Variants in PTAR1 observed in about 807,000 individuals in gnomAD.
PTAR1 encodes protein prenyltransferase alpha subunit repeat containing 1, also known as protein prenyltransferase alpha subunit repeat-containing protein 1.
Under a neutral mutation model 45.5 loss-of-function variants are expected in PTAR1, and 17 were observed. That is an observed-to-expected ratio of 0.37 (90% CI 0.26 to 0.56). The LOEUF is 0.56. Ranked by LOEUF, PTAR1 falls within the 20% of genes least tolerant of loss-of-function variation. The pLI, the probability that PTAR1 is intolerant of heterozygous loss-of-function variation, is 0.77. For missense variants in PTAR1, 391 were observed against 476.3 expected, an observed-to-expected ratio of 0.82 and a Z score of 1.67; for synonymous variants, 169 against 171.3, an observed-to-expected ratio of 0.99 and a Z score of 0.11.
At chr9:69,759,742 C>T in intron 1 of PTAR1, 111 bp downstream of exon 1, 3 of 1,089,842 alleles carry the variant, frequency 2.8e-6, no homozygotes, top group Non-Finnish European at 3.8e-6. Flanking sequence ...CCTAGAAGGG[C>T]TCGTGGGCCA....
Position 69,725,596 on chromosome 9 carries a change from G to GAA in PTAR1, c.643-1968_643-1967dup, listed in dbSNP as rs138623845. Among the ~76,000 whole-genome samples the GAA allele has an allele frequency of 2.7e-3, 400 of 149,518 alleles. 2 individuals carry two copies. Among genetic ancestry groups the GAA allele is most frequent in the Non-Finnish European group, 4.7e-3 (320 of 67,394 alleles). ...CAAAACAAGACTCCATCTCAAAAAA[G>GAA]AAAAAAAATATATATATATATTTTC... On this transcript the variant is annotated intron_variant, in intron 5 of 7. Coordinates refer to ENST00000340434, the MANE Select transcript of PTAR1 (RefSeq NM_001099666.2).
rs1825126883 is a variant in PTAR1, at chr9:69,723,587, A to G, written c.686T>C (p.Met229Thr). ...AAATCCACTGTGGTCTGAAACGTGC[A>G]TAGATGCCCAATGTTTAGTAGAAGA... ...ELSSTKHWAS[M>T]HVSDHSGFHY... The change falls in exon 6 of 8, where the codon ATG becomes ACG. Residue 229 changes from methionine to threonine, a missense_variant. Met to Thr is a moderately conservative substitution (Grantham distance 81). This residue lies in a region of PTAR1 where 181 missense variants were observed against 227.7 expected (regional missense o/e 0.80). Coordinates refer to ENST00000340434, the MANE Select transcript of PTAR1 (RefSeq NM_001099666.2). 1 of 1,613,838 alleles carries G rather than the reference A, an allele frequency of 6.2e-7. No individual in the cohort carries two copies. Among genetic ancestry groups the G allele is most frequent in the Non-Finnish European group, 8.5e-7 (1 of 1,179,754 alleles).
At chr9:69,729,703 T>C (rs1825447818) in intron 5 of PTAR1, among the ~76,000 whole-genome samples, 1 of 152,176 alleles carries the variant, frequency 6.6e-6, no homozygotes, top group Non-Finnish European at 1.5e-5. Flanking sequence ...TCCTCAAGGC[T>C]ACACAGCAAA....
intron 2 of PTAR1, among the ~76,000 whole-genome samples, chr9:69,744,123 A>G (rs1588474771): frequency 6.6e-6 from 1 of 152,082 alleles, no homozygotes; most frequent in African/African-American, 2.4e-5. Context: ...AGGAAGTGAA[A>G]CCTTCTGAAA....
intron 2 of PTAR1, among the ~76,000 whole-genome samples, chr9:69,745,363 C>T (rs1417600144): frequency 1.3e-5 from 2 of 152,136 alleles, no homozygotes; most frequent in African/African-American, 4.8e-5. Flanking sequence ...ATTATTCTAC[C>T]TAGGTAAATT....
intron 6 of PTAR1, among the ~76,000 whole-genome samples, chr9:69,723,047 G>A (rs973124392): frequency 1.3e-5 from 2 of 150,720 alleles, no homozygotes; most frequent in Non-Finnish European, 2.9e-5. Flanking sequence ...GTTTTATTTT[G>A]GAACTAACAC....
In PTAR1 at chr9:69,716,250, C is replaced by G. The variant is rs946139196; in HGVS notation, c.*2092G>C. ...CCCATGTCTTCTCTGTGTAGTTTGC[C>G]CCCAAACACTCACAGGAGCTAAAAA... On this transcript the variant is annotated 3_prime_UTR_variant, in exon 8 of 8. Transcript: ENST00000340434. The G allele has an allele frequency of 6.6e-6, 1 of 151,854 alleles. No individual in the cohort carries two copies. The highest frequency in any genetic ancestry group is 2.1e-4 in the South Asian group (1 of 4,792). The allele number at this position is 151,854 out of a possible 1,614,324, so 9.4% of individuals were successfully genotyped here. A position where few individuals can be genotyped will look rare whatever the true frequency, so the allele number is the denominator to read the frequency against.
At chr9:69,735,938 A>G (rs1312130655) in intron 3 of PTAR1, among the ~76,000 whole-genome samples, 1 of 148,736 alleles carries the variant, frequency 6.7e-6, no homozygotes, top group East Asian at 1.9e-4. Flanking sequence ...ATTTGTCATT[A>G]TATATATATA....
intron 5 of PTAR1, among the ~76,000 whole-genome samples, chr9:69,727,818 TTCTC>T (rs3069257): frequency 0.28 from 42,764 of 151,954 alleles, 7,373 homozygotes; most frequent in South Asian, 0.38. Context: ...TTAAGCTTTA[TTCTC>T]TCTAATGTAC....
At chr9:69,755,847 A>G (rs1246251083) in intron 1 of PTAR1, among the ~76,000 whole-genome samples, 3 of 152,218 alleles carry the variant, frequency 2.0e-5, no homozygotes, top group Non-Finnish European at 2.9e-5. Context: ...CCTTATTTAG[A>G]AAAAGCTACA....
At position 69,723,535 on chromosome 9, in the gene PTAR1, A is replaced by C. The variant is rs1825124498; in HGVS notation, c.738T>G (p.Ser246=). 6.2e-7 allele frequency: 1 copy of C among 1,613,824 alleles called. No homozygotes were observed. ...TGTCTATCACAGTTTGGCTAATCAA[A>C]GACTTAAGCAAAAACTGGCGGTAGT... is the stretch of plus-strand genomic sequence containing the variant. ...GFHYRQFLLK[S]LISQTVIDSS... is the part of the protein sequence containing the mutation. The change falls in exon 6 of 8, where the codon TCT becomes TCG. Residue 246 remains serine, a synonymous_variant. Coordinates refer to ENST00000340434, the MANE Select transcript of PTAR1 (RefSeq NM_001099666.2).
rs943661732 is a variant in PTAR1, at chr9:69,712,259, TA to T, written c.*6082del. The T allele has an allele frequency of 4.6e-5, 7 of 152,170 alleles. No individual in the cohort carries two copies. Among genetic ancestry groups the T allele is most frequent in the African/African-American group, 1.7e-4 (7 of 41,458 alleles). 9.4% of individuals were successfully genotyped at this position (152,170 alleles called of 1,614,324 possible). A position where few individuals can be genotyped will look rare whatever the true frequency, so the allele number is the denominator to read the frequency against. On this transcript the variant is annotated 3_prime_UTR_variant, in exon 8 of 8. Transcript: ENST00000340434. ...AGAAAAGCCAGAATGTTATTGTTTG[TA>T]AACCACTAAAGACTTAATATGAACA...
rs1267221383 is a variant in PTAR1 at position 69,714,670 on chromosome 9, T to C, written c.*3672A>G. On this transcript the variant is annotated 3_prime_UTR_variant, in exon 8 of 8. Transcript: ENST00000340434. ...TCCGTATCTTGTATCACATAAGCCC[T>C]TATTTAAAAATTTAAGTACTTTTAG... 6.6e-6 allele frequency: 1 copy of C among 152,126 alleles called. No individual in the cohort carries two copies. Among genetic ancestry groups the C allele is most frequent in the African/African-American group, 2.4e-5 (1 of 41,448 alleles). 9.4% of individuals were successfully genotyped at this position (152,126 alleles called of 1,614,324 possible). A position where few individuals can be genotyped will look rare whatever the true frequency, so the allele number is the denominator to read the frequency against.
At chr9:69,740,369 T>C (rs747469004) in intron 3 of PTAR1, among the ~76,000 whole-genome samples, 29 of 152,062 alleles carry the variant, frequency 1.9e-4, no homozygotes, top group Non-Finnish European at 3.5e-4. Context: ...GCTTATAGAA[T>C]ATACAATGAA....
rs1417892335 is a variant in PTAR1, at chr9:69,718,519, A to G, written c.1032T>C (p.Ser344=). 5 of 1,613,714 alleles carry G rather than the reference A, an allele frequency of 3.1e-6. No homozygotes were observed. Among genetic ancestry groups the G allele is most frequent in the East Asian group, 4.5e-5 (2 of 44,870 alleles). ...QAMEVDGLND[S]SKQGYSQETK... ...TTTCCTGGGAATAGCCTTGCTTGCTAGAGTCATTCAGTCCATCTACTTCCA... is the reference window on the plus strand; with the variant it reads ...TTTCCTGGGAATAGCCTTGCTTGCTGGAGTCATTCAGTCCATCTACTTCCA... Residue 344 remains serine, a synonymous_variant, in exon 8 of 8, where the codon TCT becomes TCC. Coordinates refer to ENST00000340434, the MANE Select transcript of PTAR1 (RefSeq NM_001099666.2).
rs1458512497 is a variant in PTAR1, at chr9:69,723,532, C to G, written c.741G>C (p.Leu247Phe). 6 of 1,613,718 alleles carry G rather than the reference C, an allele frequency of 3.7e-6. No homozygotes were observed. Among genetic ancestry groups the G allele is most frequent in the Non-Finnish European group, 5.1e-6 (6 of 1,179,830 alleles). ...FHYRQFLLKS[L>F]ISQTVIDSSV... ...AACTGTCTATCACAGTTTGGCTAATCAAAGACTTAAGCAAAAACTGGCGGT... is the reference window on the plus strand; with the variant it reads ...AACTGTCTATCACAGTTTGGCTAATGAAAGACTTAAGCAAAAACTGGCGGT... The change falls in exon 6 of 8, where the codon TTG becomes TTC. Residue 247 changes from leucine (L) to phenylalanine (F), a missense_variant. By Grantham distance (22) the Leu-to-Phe change is conservative. Coordinates refer to ENST00000340434, the MANE Select transcript of PTAR1 (RefSeq NM_001099666.2).
chr9:69,741,855 A>G lies in PTAR1; in HGVS notation c.260T>C (p.Leu87Ser), dbSNP rs751634492. The G allele has an allele frequency of 6.7e-5, 106 of 1,583,182 alleles. No homozygotes were observed. Among genetic ancestry groups the G allele is most frequent in the Non-Finnish European group, 3.4e-6 (4 of 1,159,482 alleles). The change falls in exon 3 of 8, where the codon TTG becomes TCG. Residue 87 changes from leucine (L) to serine (S), a missense_variant. Leu to Ser is a moderately radical substitution (Grantham distance 145). This residue lies in a region of PTAR1 where 152 missense variants were observed against 160.0 expected (regional missense o/e 0.95). Coordinates refer to ENST00000340434, the MANE Select transcript of PTAR1 (RefSeq NM_001099666.2). Reference sequence around the variant, plus strand: ...CAGCAGGGTACATGTGACATCTATCAATTCTAAAATAAAGAGAAGTCATAT... The same window carrying G: ...CAGCAGGGTACATGTGACATCTATCGATTCTAAAATAAAGAGAAGTCATAT... ...TRKQWLNRDE[L>S]IDVTCTLLLL... is the part of the protein sequence containing the mutation.
rs1324594865 is a variant in PTAR1, at chr9:69,718,675, A to G, written c.957T>C (p.Ile319=). Residue 319 remains isoleucine (I), a synonymous_variant, in exon 7 of 8, where the codon ATT becomes ATC. Coordinates refer to ENST00000340434, the MANE Select transcript of PTAR1 (RefSeq NM_001099666.2). ...CATTTAAGTGATGCTGAAGGTAGAA[A>G]ATATGCCGCCTGCGATAGAGAGGGG... ...HETLWCHRRH[I]FYLQHHLNAG... The G allele has an allele frequency of 6.4e-7, 1 of 1,570,878 alleles. No individual in the cohort carries two copies. The highest frequency in any genetic ancestry group is 1.2e-5 in the South Asian group (1 of 86,838).
chr9:69,723,754 G>C, intron 5 of PTAR1, 124 bp from the exon 6 acceptor site: 1 of 740,628 alleles, frequency 1.4e-6, no homozygotes, highest in Non-Finnish European at 2.2e-6. Context: ...CCAATATTTT[G>C]TACACAATGT....
Sources: allele counts gnomAD v4.1 joint callset (sites outside exome capture counted in the v4.1 genomes callset), GRCh38; gene constraint gnomAD v4.1.1; regional missense constraint gnomAD v4.1.1; transcripts MANE v1.5; gene names NCBI Gene and HGNC (gene_info 2026-07-23, HGNC 2026-07-21).